Variants in LTBP2 observed in about 807,000 individuals in gnomAD.
The protein encoded by LTBP2 is latent transforming growth factor beta binding protein 2.
LTBP2 carries 103 observed loss-of-function variants against 210.6 expected under a neutral mutation model. That is an observed-to-expected ratio of 0.49 (90% confidence interval 0.42 to 0.58). LTBP2 has a LOEUF of 0.58. Among genes scored for constraint, LTBP2 ranks in the 20% least tolerant of loss-of-function variants. LTBP2 has a pLI of 0.00. For synonymous variants in LTBP2, 1,007 were observed against 1,015.0 expected (o/e 0.99, Z 0.15); for missense variants, 2,313 against 2,494.5 (o/e 0.93, Z 1.55).
intron 1 of LTBP2, among the ~76,000 whole-genome samples, chr14:74,609,681 A>G (rs996336200): frequency 6.6e-6 from 1 of 151,908 alleles, no homozygotes; most frequent in African/African-American, 2.4e-5. Context: ...ACAGAGCCCC[A>G]GGGGCCCCAG....
Position 74,603,866 on chromosome 14 carries a change from G to C in LTBP2, c.495-161C>G, listed in dbSNP as rs2088484113. 2.0e-5 allele frequency among the ~76,000 whole-genome samples: 3 copies of C among 152,116 alleles called. No individual in the cohort carries two copies. The South Asian group carries it at 6.2e-4, about 32-fold the overall frequency. On this transcript the variant is annotated intron_variant, in intron 1 of 35. Coordinates refer to ENST00000261978, the MANE Select transcript of LTBP2 (RefSeq NM_000428.3). ...ACTTGCAAATCTAAGATTGAATCCT[G>C]ACTCTGCCATTCTCTGCACATCCCT...
At chr14:74,541,669 G>A (rs1257208250) in intron 8 of LTBP2, among the ~76,000 whole-genome samples, 1 of 152,002 alleles carries the variant, frequency 6.6e-6, no homozygotes, top group Non-Finnish European at 1.5e-5. Flanking sequence ...AAAACCCTAG[G>A]GACCAATGGA....
intron 3 of LTBP2, among the ~76,000 whole-genome samples, chr14:74,568,489 G>A (rs1164382738): frequency 1.3e-5 from 2 of 152,006 alleles, no homozygotes; most frequent in African/African-American, 4.8e-5. Context: ...ACATATTCAG[G>A]AATGTGCTGG....
chr14:74,582,302 C>G (rs1285583213), intron 3 of LTBP2, among the ~76,000 whole-genome samples: 3 of 151,870 alleles, frequency 2.0e-5, no homozygotes, highest in Non-Finnish European at 2.9e-5. Context: ...AAAGCCACTA[C>G]TGGACCTGCT....
At chr14:74,539,795 A>G (rs747519350) in intron 8 of LTBP2, among the ~76,000 whole-genome samples, 1 of 152,226 alleles carries the variant, frequency 6.6e-6, no homozygotes, top group African/African-American at 2.4e-5. Flanking sequence ...GGATGAGAGC[A>G]GGAAGCAAGA....
chr14:74,579,200 C>T (rs1415655791), intron 3 of LTBP2, among the ~76,000 whole-genome samples: 1 of 152,220 alleles, frequency 6.6e-6, no homozygotes, highest in African/African-American at 2.4e-5. Context: ...GGGAAAACCC[C>T]TTGCCATTTT....
chr14:74,555,684 A>G lies in LTBP2; in HGVS notation c.840T>C (p.Ser280=). 6.5e-7 allele frequency: 1 copy of G among 1,547,176 alleles called. No individual in the cohort carries two copies. Among genetic ancestry groups the G allele is most frequent in the Non-Finnish European group, 8.8e-7 (1 of 1,142,344 alleles). Residue 280 remains serine (S), a synonymous_variant, in exon 4 of 36, where the codon AGT becomes AGC. Transcript: ENST00000261978. ...GGGAAGGGTGGGTCTGGCTGAGGCC[A>G]CTCAGGGTCCTGTGGAGACAACCGC... ...APQSPPAGTL[S]GLSQTHPSQQ... is the part of the protein sequence containing the mutation.
chr14:74,552,955 C>T lies in LTBP2; in HGVS notation c.1129G>A (p.Asp377Asn), dbSNP rs1201854863. Reference sequence around the variant, plus strand: ...CCCTGGCTGTACAGGGTGGTGGTGTCGCCCCTCTCACAGCTGTTGGCACAG... The same window carrying T: ...CCCTGGCTGTACAGGGTGGTGGTGTTGCCCCTCTCACAGCTGTTGGCACAG... ...GHCANSCERGDTTTLYSQGGH... is the reference protein window; with the variant it reads ...GHCANSCERGNTTTLYSQGGH... The change falls in exon 5 of 36, where the codon GAC becomes AAC. Residue 377 changes from aspartate (D) to asparagine (N), a missense_variant. Asp to Asn is a conservative substitution (Grantham distance 23). Coordinates refer to ENST00000261978, the MANE Select transcript of LTBP2 (RefSeq NM_000428.3). 15 of 1,613,860 alleles carry T rather than the reference C, an allele frequency of 9.3e-6. No homozygotes were observed. Among genetic ancestry groups the T allele is most frequent in the Non-Finnish European group, 1.2e-5 (14 of 1,179,952 alleles).
chr14:74,522,011 G>A lies in LTBP2; in HGVS notation c.2688C>T (p.Cys896=). 1.2e-6 allele frequency: 2 copies of A among 1,613,772 alleles called. No individual in the cohort carries two copies. Among genetic ancestry groups the A allele is most frequent in the Non-Finnish European group, 1.7e-6 (2 of 1,179,822 alleles). Residue 896 remains cysteine, a synonymous_variant, in exon 17 of 36, where the codon TGC becomes TGT. Coordinates refer to ENST00000261978, the MANE Select transcript of LTBP2 (RefSeq NM_000428.3). ...TDDNECLRDP[C]KGKGRCINRV... ...GGTTGATGCAGCGCCCTTTTCCCTT[G>A]CAGGGGTCCCTCAGACACTCGTTGT...
In LTBP2 at chr14:74,600,324, T is replaced by C. The variant is rs868622217; in HGVS notation, c.565+3311A>G. Among the ~76,000 whole-genome samples the C allele has an allele frequency of 2.0e-5, 3 of 152,282 alleles. No homozygotes were observed. In the South Asian group the frequency reaches 6.2e-4, roughly 32 times the overall value. Reference sequence around the variant, plus strand: ...TCCCTTCAGGAGAGCAGCTGGCCTGTATGCCTGGGTCAGGGTGGGTGACCG... The same window carrying C: ...TCCCTTCAGGAGAGCAGCTGGCCTGCATGCCTGGGTCAGGGTGGGTGACCG... On this transcript the variant is annotated intron_variant, in intron 2 of 35. Transcript: ENST00000261978.
intron 9 of LTBP2, among the ~76,000 whole-genome samples, chr14:74,535,610 G>A (rs562708017): frequency 1.3e-5 from 2 of 152,354 alleles, no homozygotes; most frequent in African/African-American, 2.4e-5. Flanking sequence ...GGAGAAAAGT[G>A]GAAGTGCACA....
At chr14:74,527,276 G>A in intron 13 of LTBP2, 71 bp downstream of exon 13, 1 of 1,559,396 alleles carries the variant, frequency 6.4e-7, no homozygotes, top group Non-Finnish European at 8.7e-7. Flanking sequence ...CACTGCCCTG[G>A]GGCCTGAGCT....
At chr14:74,583,394 G>A (rs1258739409) in intron 3 of LTBP2, among the ~76,000 whole-genome samples, 1 of 152,218 alleles carries the variant, frequency 6.6e-6, no homozygotes, top group Non-Finnish European at 1.5e-5. Context: ...GCAGGATTTG[G>A]CCTCCTAAAG....
Position 74,595,275 on chromosome 14 carries a change from G to T in LTBP2, c.565+8360C>A, listed in dbSNP as rs1009148086. On this transcript the variant is annotated intron_variant, in intron 2 of 35. Transcript: ENST00000261978. ...TGGGCCAGGTCAGGGCTGGGGAGCC[G>T]CGGGGCCAGGGGCTGGGGCAGAGAG... Among the ~76,000 whole-genome samples the T allele has an allele frequency of 1.1e-4, 16 of 152,276 alleles. 1 individual carries two copies. Among genetic ancestry groups the T allele is most frequent in the African/African-American group, 3.8e-4 (16 of 41,572 alleles).
chr14:74,546,091 C>G (rs2087572042), intron 8 of LTBP2, among the ~76,000 whole-genome samples: 1 of 152,188 alleles, frequency 6.6e-6, no homozygotes, highest in Admixed American at 6.5e-5. Flanking sequence ...GAAGGGAAGC[C>G]ATGAAGCCAC....
chr14:74,528,870 A>G, intron 11 of LTBP2, 88 bp downstream of exon 11: 1 of 1,558,040 alleles, frequency 6.4e-7, no homozygotes, highest in Non-Finnish European at 8.7e-7. Context: ...AGTCTTCCAG[A>G]TTGAGGGAAG....
intron 3 of LTBP2, among the ~76,000 whole-genome samples, chr14:74,561,978 G>C (rs1566639511): frequency 6.6e-6 from 1 of 152,164 alleles, no homozygotes; most frequent in South Asian, 2.1e-4. Flanking sequence ...GGGAGGCCGA[G>C]GCGGATGGAT....
At chr14:74,554,654 G>A (rs1173732220) in intron 4 of LTBP2, among the ~76,000 whole-genome samples, 1 of 152,170 alleles carries the variant, frequency 6.6e-6, no homozygotes, top group Non-Finnish European at 1.5e-5. Flanking sequence ...AGGGATAGGA[G>A]GGGAGATAAG....
intron 1 of LTBP2, among the ~76,000 whole-genome samples, chr14:74,607,916 T>C (rs1405296890): frequency 6.7e-6 from 1 of 148,502 alleles, no homozygotes; most frequent in Non-Finnish European, 1.5e-5. Flanking sequence ...TAGACTATGT[T>C]TTTTTTTTTT....
Sources: gnomAD v4.1 joint callset for allele counts (sites outside exome capture counted in the v4.1 genomes callset) on GRCh38, gnomAD v4.1.1 for gene constraint, MANE v1.5 for transcripts, NCBI Gene and HGNC (gene_info 2026-07-23, HGNC 2026-07-21) for gene names.